The following NBEA variants were observed in gnomAD, a reference collection of about 807,000 sequenced individuals.
The protein encoded by NBEA is neurobeachin.
NBEA carries 44 observed loss-of-function variants against 343.4 expected under a neutral mutation model. The ratio of observed to expected loss-of-function variants is 0.13; its 90% CI spans 0.10 to 0.16. The LOEUF (loss-of-function observed/expected upper bound fraction) is 0.16, where lower values mean the gene tolerates loss of function less well. Among genes scored for constraint, NBEA ranks in the 10% least tolerant of loss-of-function variants. The pLI, the probability that NBEA is intolerant of heterozygous loss-of-function variation, is 1.00. For synonymous variants in NBEA, 1,175 were observed against 1,238.7 expected, an observed-to-expected ratio of 0.95 and a Z score of 1.08; for missense variants, 2,555 against 3,631.3, an observed-to-expected ratio of 0.70 and a Z score of 7.62.
chr13:35,262,678 G>A (rs965708521), intron 34 of NBEA, among the ~76,000 whole-genome samples: 2 of 152,158 alleles, frequency 1.3e-5, no homozygotes, highest in African/African-American at 2.4e-5. Flanking sequence ...TTATGGGTGA[G>A]GTTAAGACTT....
At chr13:35,165,674 C>T (rs1314678006) in intron 24 of NBEA, among the ~76,000 whole-genome samples, 1 of 148,206 alleles carries the variant, frequency 6.7e-6, no homozygotes, top group African/African-American at 2.5e-5. Flanking sequence ...GCATTTTTTT[C>T]TTCTCTTTTC....
intron 10 of NBEA, among the ~76,000 whole-genome samples, chr13:35,079,147 C>G (rs1288309177): frequency 6.6e-6 from 1 of 152,146 alleles, no homozygotes; most frequent in South Asian, 2.1e-4. Context: ...TGAGACAATA[C>G]TATCAGAATT....
chr13:34,953,535 T>G (rs565167880), intron 1 of NBEA, among the ~76,000 whole-genome samples: 3 of 152,210 alleles, frequency 2.0e-5, no homozygotes, highest in African/African-American at 4.8e-5. Flanking sequence ...TTCCCTGATA[T>G]TCCCCTAAAA....
At chr13:35,534,238 A>G (rs73171532) in intron 41 of NBEA, among the ~76,000 whole-genome samples, 15,225 of 151,862 alleles carry the variant, frequency 0.1, 806 homozygotes, top group African/African-American at 0.11. Flanking sequence ...AACCCTTGAG[A>G]CTCCTTTCAT....
intron 1 of NBEA, among the ~76,000 whole-genome samples, chr13:34,947,967 TC>T (rs896345595): frequency 1.4e-4 from 21 of 152,232 alleles, no homozygotes; most frequent in African/African-American, 5.1e-4. Context: ...GTTAGTAAGT[TC>T]GAATCTGGTA....
chr13:35,499,374 C>G (rs1158944631), intron 41 of NBEA, among the ~76,000 whole-genome samples: 2 of 152,020 alleles, frequency 1.3e-5, no homozygotes. Flanking sequence ...TAATGAGTGA[C>G]TGACTAGAAA....
rs111286229 is a variant in NBEA at position 35,154,712 on chromosome 13, A to G, written c.2446-1062A>G. Among the ~76,000 whole-genome samples the G allele has an allele frequency of 6.4e-3, 979 of 152,286 alleles. 11 individuals are homozygous for G. The highest frequency in any genetic ancestry group is 0.023 in the African/African-American group (939 of 41,562). On this transcript the variant is annotated intron_variant, in intron 18 of 58. Transcript: ENST00000379939. The stretch of plus-strand genomic sequence containing the variant: ...GTGGGAAAGTTAGTAAATGTTTTAG[A>G]ATTTTCTCTTTCCTTTATTTGGTCA...
intron 1 of NBEA, among the ~76,000 whole-genome samples, chr13:35,020,132 T>C (rs979003312): frequency 1.3e-5 from 2 of 152,120 alleles, no homozygotes; most frequent in African/African-American, 4.8e-5. Flanking sequence ...TATAGTAATA[T>C]AAGTCTTTTA....
chr13:35,193,665 A>T (rs904121635), intron 30 of NBEA, among the ~76,000 whole-genome samples: 1 of 151,832 alleles, frequency 6.6e-6, no homozygotes, highest in Non-Finnish European at 1.5e-5. Flanking sequence ...TATTATTGAC[A>T]TTGTCTTGTC....
chr13:35,016,589 TACACACACACACAC>T (rs66655195), intron 1 of NBEA, among the ~76,000 whole-genome samples: 7 of 148,174 alleles, frequency 4.7e-5, no homozygotes, highest in African/African-American at 1.3e-4. Context: ...TGTATGTGTA[TACACACACACACAC>T]ACACACACAC....
At chr13:35,618,737 C>G (rs1294428696) in intron 48 of NBEA, among the ~76,000 whole-genome samples, 1 of 152,228 alleles carries the variant, frequency 6.6e-6, no homozygotes, top group Non-Finnish European at 1.5e-5. Flanking sequence ...TGATTATAAT[C>G]TGACCTTCTG....
intron 1 of NBEA, among the ~76,000 whole-genome samples, chr13:35,017,072 G>C (rs2061683518): frequency 6.6e-6 from 1 of 152,088 alleles, no homozygotes; most frequent in African/African-American, 2.4e-5. Flanking sequence ...GGCTAGGGGA[G>C]TGACATAATT....
At chr13:35,300,569 T>C (rs2247690) in intron 35 of NBEA, among the ~76,000 whole-genome samples, 126,730 of 152,146 alleles carry the variant, frequency 0.83, 53,007 homozygotes, top group South Asian at 0.94. Flanking sequence ...ATCCCATTTC[T>C]TATTTTCAGA....
At chr13:35,244,960 A>G (rs889609809) in intron 34 of NBEA, among the ~76,000 whole-genome samples, 5 of 152,072 alleles carry the variant, frequency 3.3e-5, no homozygotes, top group Admixed American at 3.3e-4. Context: ...TTATATACTG[A>G]AACTTTGCTG....
intron 34 of NBEA, among the ~76,000 whole-genome samples, chr13:35,288,907 G>A (rs1209801435): frequency 6.6e-6 from 1 of 151,864 alleles, no homozygotes; most frequent in East Asian, 1.9e-4. Context: ...CTGAGCATGA[G>A]AATTGCTGAT....
At position 35,117,454 on chromosome 13, in the gene NBEA, G is replaced by A. The variant is rs779606894; in HGVS notation, c.2043G>A (p.Arg681=). The A allele has an allele frequency of 5.6e-5, 78 of 1,381,400 alleles. No homozygotes were observed. Among genetic ancestry groups the A allele is most frequent in the Non-Finnish European group, 6.8e-5 (72 of 1,055,318 alleles). 85.6% of individuals were successfully genotyped at this position (1,381,400 alleles called of 1,614,324 possible). A position where few individuals can be genotyped will look rare whatever the true frequency, so the allele number is the denominator to read the frequency against. The change falls in exon 14 of 59, where the codon AGG becomes AGA. Residue 681 remains arginine, a synonymous_variant. Coordinates refer to ENST00000379939, the MANE Select transcript of NBEA (RefSeq NM_001385012.1). ...CACAAAAAGAAATTATATCACTGAG[G>A]GCATTTATGCTACTTTTTCTGAAAC... ...RPSQKEIISL[R]AFMLLFLKQL...
chr13:35,056,253 TTAAA>T (rs553085817), intron 7 of NBEA, 124 bp downstream of exon 7: 207 of 870,362 alleles, frequency 2.4e-4, no homozygotes, highest in Non-Finnish European at 2.7e-4. Context: ...ATTCTTTTTA[TTAAA>T]TAAATCTTTC....
intron 1 of NBEA, among the ~76,000 whole-genome samples, chr13:35,018,030 A>G (rs529611655): frequency 6.6e-5 from 10 of 152,022 alleles, no homozygotes; most frequent in African/African-American, 1.2e-4. Flanking sequence ...TTGATCATCT[A>G]TTGATTTGTT....
At chr13:34,943,233 A>G (rs903339064) in intron 1 of NBEA, 119 bp downstream of exon 1, 29 of 1,348,082 alleles carry the variant, frequency 2.2e-5, no homozygotes, top group Non-Finnish European at 2.7e-5. Flanking sequence ...CTGGGAGCGC[A>G]GAGCGTTCAG....
Sources: gnomAD v4.1 joint callset for allele counts (sites outside exome capture counted in the v4.1 genomes callset) on GRCh38, gnomAD v4.1.1 for gene constraint, MANE v1.5 for transcripts, NCBI Gene and HGNC (gene_info 2026-07-23, HGNC 2026-07-21) for gene names.